The following THADA variants were observed in gnomAD, a reference collection of about 807,000 sequenced individuals.
The protein encoded by THADA is THADA armadillo repeat containing.
In THADA, 213 loss-of-function variants were observed where a neutral mutation model predicts 219.8. The observed-to-expected ratio is 0.97, with a 90% CI of 0.87 to 1.09. The LOEUF (loss-of-function observed/expected upper bound fraction) is 1.09. Among genes scored for constraint, THADA ranks in the 50% least tolerant of loss-of-function variants. THADA has a pLI of 0.00. For missense variants in THADA, 2,956 were observed against 2,311.3 expected, an observed-to-expected ratio of 1.28 and a Z score of -5.72; for synonymous variants, 1,018 against 828.9, an observed-to-expected ratio of 1.23 and a Z score of -3.92.
chr2:43,502,606 A>C (rs923773345), intron 24 of THADA, among the ~76,000 whole-genome samples: 7 of 151,050 alleles, frequency 4.6e-5, no homozygotes, highest in African/African-American at 1.7e-4. Flanking sequence ...AAAAAAAGAA[A>C]GAAAGAAAAA....
intron 28 of THADA, among the ~76,000 whole-genome samples, chr2:43,404,018 G>C (rs1486537631): frequency 6.6e-6 from 1 of 152,170 alleles, no homozygotes; most frequent in Non-Finnish European, 1.5e-5. Flanking sequence ...TGAAGCTCTG[G>C]ATTATACTAC....
At chr2:43,476,403 C>G (rs952211400) in intron 26 of THADA, among the ~76,000 whole-genome samples, 8 of 152,126 alleles carry the variant, frequency 5.3e-5, no homozygotes, top group African/African-American at 1.2e-4. Context: ...ACAGCAGAAA[C>G]AAGAAGGGAA....
At chr2:43,370,932 G>A (rs1214614103) in intron 29 of THADA, among the ~76,000 whole-genome samples, 1 of 152,182 alleles carries the variant, frequency 6.6e-6, no homozygotes, top group African/African-American at 2.4e-5. Context: ...AATCTTCACT[G>A]TGCTATTTAA....
At chr2:43,462,556 T>C (rs1404808592) in intron 26 of THADA, among the ~76,000 whole-genome samples, 2 of 152,212 alleles carry the variant, frequency 1.3e-5, no homozygotes, top group Admixed American at 1.3e-4. Flanking sequence ...AGAAAAGTGA[T>C]ATTTAAATGT....
At chr2:43,412,314 C>T (rs1003481086) in intron 28 of THADA, among the ~76,000 whole-genome samples, 4 of 152,124 alleles carry the variant, frequency 2.6e-5, no homozygotes, top group African/African-American at 7.2e-5. Flanking sequence ...TTCAGTCATG[C>T]CAAGTGCATA....
chr2:43,327,471 AG>A (rs1679464355), intron 30 of THADA, among the ~76,000 whole-genome samples: 1 of 131,252 alleles, frequency 7.6e-6, no homozygotes, highest in Non-Finnish European at 1.6e-5. Context: ...TGGGGGGAGA[AG>A]TAAAGAGGGG....
Position 43,313,924 on chromosome 2 carries a change from G to A in THADA, c.4438+6522C>T, listed in dbSNP as rs552612242. ...CACCTTAGCACACATGGGATGTTAG[G>A]CACTTCTCGCTATGCCTCAGTTTCT... On this transcript the variant is annotated intron_variant, in intron 31 of 37. Transcript: ENST00000405975. 2.6e-5 allele frequency among the ~76,000 whole-genome samples: 4 copies of A among 152,324 alleles called. No homozygotes were observed. The East Asian group carries it at 7.7e-4, about 29-fold the overall frequency.
intron 35 of THADA, among the ~76,000 whole-genome samples, chr2:43,281,801 C>T (rs1006712836): frequency 3.3e-5 from 5 of 151,526 alleles, no homozygotes; most frequent in African/African-American, 1.2e-4. Flanking sequence ...GATGGGGTCT[C>T]ACTATGTTGC....
Position 43,475,515 on chromosome 2 carries a change from G to C in THADA, c.3836+9719C>G, listed in dbSNP as rs527531147. Among the ~76,000 whole-genome samples the C allele has an allele frequency of 4.0e-5, 6 of 151,810 alleles. No homozygotes were observed. The South Asian group carries it at 1.0e-3, about 26-fold the overall frequency. On this transcript the variant is annotated intron_variant, in intron 26 of 37. Coordinates refer to ENST00000405975, the MANE Select transcript of THADA (RefSeq NM_022065.5). ...AGAAAATCAATGTGATAATATAGAG[G>C]TGAAATTCGAAAGTGAATTAGAGTT... is the stretch of plus-strand genomic sequence containing the variant.
intron 22 of THADA, among the ~76,000 whole-genome samples, chr2:43,511,094 T>A (rs903011579): frequency 5.3e-5 from 8 of 151,960 alleles, no homozygotes; most frequent in African/African-American, 1.9e-4. Context: ...TGATCTAATA[T>A]CTGTGGGCTT....
At chr2:43,265,910 C>T (rs6754453) in intron 36 of THADA, among the ~76,000 whole-genome samples, 26,977 of 142,274 alleles carry the variant, frequency 0.19, 3,356 homozygotes, top group African/African-American at 0.36. Context: ...GATGATAATC[C>T]GATTTTTTTT....
intron 29 of THADA, among the ~76,000 whole-genome samples, chr2:43,353,672 T>C (rs1433651342): frequency 2.0e-5 from 3 of 152,162 alleles, no homozygotes; most frequent in Non-Finnish European, 4.4e-5. Flanking sequence ...TATTTATTTA[T>C]TGAGATGGAG....
rs150141543 is a variant in THADA at position 43,513,144 on chromosome 2, G to A, written c.3375-4364C>T. Among the ~76,000 whole-genome samples, 5 of 152,272 alleles carry A rather than the reference G, an allele frequency of 3.3e-5. No homozygotes were observed. In the East Asian group the frequency reaches 9.6e-4, roughly 29 times the overall value. ...TAAAATGACAGTTTTTGGAAGGATT[G>A]AGTTTGTTCTTATGTCTAATAAGTT... On this transcript the variant is annotated intron_variant, in intron 22 of 37. Transcript: ENST00000405975.
At chr2:43,463,350 A>G (rs1683857831) in intron 26 of THADA, 1 of 152,224 alleles carries the variant, frequency 6.6e-6, no homozygotes, top group African/African-American at 2.4e-5. Flanking sequence ...TCCTTTGGAA[A>G]TCTTGGCTGG....
At chr2:43,254,435 G>A (rs1670108608) in intron 36 of THADA, among the ~76,000 whole-genome samples, 3 of 151,886 alleles carry the variant, frequency 2.0e-5, no homozygotes, top group Admixed American at 6.6e-5. Context: ...CCTCCCTTAT[G>A]CTGAAGTGGG....
chr2:43,504,441 C>G (rs1449207035), intron 24 of THADA, among the ~76,000 whole-genome samples: 2 of 152,202 alleles, frequency 1.3e-5, no homozygotes, highest in African/African-American at 4.8e-5. Context: ...TTCTTTTCCA[C>G]AGTCCTCATT....
intron 29 of THADA, among the ~76,000 whole-genome samples, chr2:43,345,862 A>T (rs1041366737): frequency 2.0e-5 from 3 of 152,242 alleles, no homozygotes; most frequent in African/African-American, 7.2e-5. Context: ...AGAAGCAATC[A>T]CTTCAAAAAT....
chr2:43,542,171 C>A (rs960946138), intron 20 of THADA, among the ~76,000 whole-genome samples: 1 of 151,956 alleles, frequency 6.6e-6, no homozygotes, highest in African/African-American at 2.4e-5. Flanking sequence ...AGCACGCTGA[C>A]AAAATGGTAC....
At chr2:43,488,404 A>G (rs929055507) in intron 25 of THADA, among the ~76,000 whole-genome samples, 6 of 152,136 alleles carry the variant, frequency 3.9e-5, no homozygotes, top group African/African-American at 1.4e-4. Context: ...CCTTTTCTGG[A>G]TACTTCATAT....
Sources: allele counts gnomAD v4.1 joint callset (sites outside exome capture counted in the v4.1 genomes callset), GRCh38; gene constraint gnomAD v4.1.1; transcripts MANE v1.5; gene names NCBI Gene and HGNC (gene_info 2026-07-23, HGNC 2026-07-21).